RTEL1: variants seen among roughly 807,000 people sequenced by gnomAD.
RTEL1 encodes regulator of telomere elongation helicase 1.
A neutral mutation model predicts 162.2 loss-of-function variants in RTEL1; 86 were observed. The observed-to-expected ratio is 0.53, with a 90% CI of 0.45 to 0.63. The LOEUF (loss-of-function observed/expected upper bound fraction) is 0.63, where lower values mean the gene tolerates loss of function less well. Among genes scored for constraint, RTEL1 ranks in the 30% least tolerant of loss-of-function variants. The pLI is 0.00. For missense variants in RTEL1, 1,941 were observed against 1,750.2 expected (o/e 1.11, Z -1.95); for synonymous variants, 958 against 717.9 (o/e 1.33, Z -5.35).
chr20:63,685,535 G>T lies in RTEL1; in HGVS notation c.1204G>T (p.Val402Leu). Residue 402 changes from valine (V) to leucine (L), a missense_variant, in exon 15 of 35, where the codon GTG becomes TTG. Val to Leu is a conservative substitution (Grantham distance 32, BLOSUM62 1). Coordinates refer to ENST00000360203, the MANE Select transcript of RTEL1 (RefSeq NM_001283009.2). ...LADIIQIVFS[V>L]DPSEGSPGSP... ...CTCTGCCTTTCAGATTGTGTTCAGTGTGGACCCCTCCGAGGGCAGCCCTGG... is the reference window on the plus strand; with the variant it reads ...CTCTGCCTTTCAGATTGTGTTCAGTTTGGACCCCTCCGAGGGCAGCCCTGG... The T allele has an allele frequency of 6.2e-7, 1 of 1,612,606 alleles. No homozygotes were observed. The highest frequency in any genetic ancestry group is 8.5e-7 in the Non-Finnish European group (1 of 1,179,910).
At position 63,661,681 on chromosome 20, in the gene RTEL1, G is replaced by A; in HGVS notation, c.302-169G>A. 1 of 873,238 alleles carries A rather than the reference G, an allele frequency of 1.1e-6. No individual in the cohort carries two copies. Among genetic ancestry groups the A allele is most frequent in the Non-Finnish European group, 1.8e-6 (1 of 567,112 alleles). The allele number at this position is 873,238 out of a possible 1,614,324, so 54.1% of individuals were successfully genotyped here. On this transcript the variant is annotated intron_variant, in intron 3 of 34. Coordinates refer to ENST00000360203, the MANE Select transcript of RTEL1 (RefSeq NM_001283009.2). This position sits in a 1 kb window ranked among gnomAD's most constrained non-coding sequence, Gnocchi z 5.1. ...AAACCTAGGGTTGGGCTTTTTTGCTGAATTAGGGCACGGCAGATGCCCACT... is the reference window on the plus strand; with the variant it reads ...AAACCTAGGGTTGGGCTTTTTTGCTAAATTAGGGCACGGCAGATGCCCACT...
At chr20:63,691,935 G>C in intron 28 of RTEL1, 98 bp downstream of exon 28, 4 of 887,980 alleles carry the variant, frequency 4.5e-6, no homozygotes, top group Non-Finnish European at 7.1e-6. Flanking sequence ...GATGGGACCA[G>C]GGAATCCACC....
intron 10 of RTEL1, among the ~76,000 whole-genome samples, chr20:63,676,089 G>T (rs139484619): frequency 3.3e-5 from 5 of 152,224 alleles, no homozygotes; most frequent in African/African-American, 1.2e-4. Context: ...CCCCTTTGGA[G>T]ATGGGGTCTC....
At chr20:63,684,966 C>T (rs2090558095) in intron 14 of RTEL1, among the ~76,000 whole-genome samples, 1 of 151,980 alleles carries the variant, frequency 6.6e-6, no homozygotes, top group Non-Finnish European at 1.5e-5. Flanking sequence ...CAGCCTCAAC[C>T]TCCTGGGCTC....
rs2090120546 is a variant in RTEL1 at position 63,666,078 on chromosome 20, A to G, written c.613A>G (p.Arg205Gly). ...EDLVKSGSKH[R>G]VCPYYLSRNL... ...CTTGGTCAAGAGCGGAAGCAAGCAC[A>G]GGTGAGACCCCTCAGTGAGGCCACG... The change falls in exon 7 of 35, where the codon AGG becomes GGG. Residue 205 changes from arginine (R) to glycine (G), a missense_variant and splice_region_variant. Arg to Gly is a moderately radical substitution (Grantham distance 125, BLOSUM62 -2). Transcript: ENST00000360203. 6.2e-7 allele frequency: 1 copy of G among 1,613,898 alleles called. No homozygotes were observed. The highest frequency in any genetic ancestry group is 8.5e-7 in the Non-Finnish European group (1 of 1,179,818).
Position 63,661,232 on chromosome 20 carries a change from AG to A in RTEL1, c.103-63del. ...CCCGCTGGCTGCCGAAGCTTGTCTC[AG>A]GGCAGCTTGTGTGGCCTCGCCTCTT... On this transcript the variant is annotated intron_variant, in intron 2 of 34. Transcript: ENST00000360203. The surrounding 1 kb of genome is among the most constrained non-coding windows in gnomAD (Gnocchi z 5.1). The A allele has an allele frequency of 1.4e-6, 2 of 1,474,290 alleles. No individual in the cohort carries two copies. The highest frequency in any genetic ancestry group is 1.8e-5 in the Admixed American group (1 of 56,426). The allele number at this position is 1,474,290 out of a possible 1,614,324, so 91.3% of individuals were successfully genotyped here.
chr20:63,675,073 A>G (rs1247726431), intron 10 of RTEL1, among the ~76,000 whole-genome samples: 1 of 151,978 alleles, frequency 6.6e-6, no homozygotes, highest in Non-Finnish European at 1.5e-5. Flanking sequence ...ACGCCCAGCT[A>G]ATTTTGTATT....
intron 23 of RTEL1, 47 bp from the exon 24 acceptor site, chr20:63,689,703 C>G: frequency 6.2e-7 from 1 of 1,604,404 alleles, no homozygotes; most frequent in Non-Finnish European, 8.5e-7. Flanking sequence ...TGAGCCCCCG[C>G]CCCGTGGCCA....
chr20:63,672,476 G>A, intron 8 of RTEL1, 80 bp from the exon 9 acceptor site: 1 of 1,149,388 alleles, frequency 8.7e-7, no homozygotes. Flanking sequence ...GATGTTCGAT[G>A]CCTGCTGCAC....
rs1041162503 is a variant in RTEL1 at position 63,665,984 on chromosome 20, C to G, written c.539-20C>G. Reference sequence around the variant, plus strand: ...AGTGGACCCTGAGGGTGTGTGTTTACCCCTGCCTCACACCTGCAGAAAAAA... The same window carrying G: ...AGTGGACCCTGAGGGTGTGTGTTTAGCCCTGCCTCACACCTGCAGAAAAAA... On this transcript the variant is annotated intron_variant, in intron 6 of 34. Transcript: ENST00000360203. 1 of 1,611,212 alleles carries G rather than the reference C, an allele frequency of 6.2e-7. No individual in the cohort carries two copies. Among genetic ancestry groups the G allele is most frequent in the African/African-American group, 1.3e-5 (1 of 74,852 alleles).
At position 63,690,353 on chromosome 20, in the gene RTEL1, C is replaced by T. The variant is rs138950475; in HGVS notation, c.2325C>T (p.Ser775=). The change falls in exon 26 of 35, where the codon AGC becomes AGT. Residue 775 remains serine (S), a synonymous_variant. Transcript: ENST00000360203. ...GTGTGCGTGGAGAAGATGCTGTCAG[C>T]GAGGCCAAGTCGCCTGGCCCCTTCT... ...APSVRGEDAV[S]EAKSPGPFFS... 131 of 1,611,634 alleles carry T rather than the reference C, an allele frequency of 8.1e-5. No homozygotes were observed. The African/African-American group carries it at 1.1e-3, about 14-fold the overall frequency.
chr20:63,690,695 AGGCAGGACCCCAAGTGCT>A (rs1204940881), intron 26 of RTEL1, 92 bp from the exon 27 acceptor site: 1 of 1,282,392 alleles, frequency 7.8e-7, no homozygotes, highest in African/African-American at 1.5e-5. Context: ...GGACACCCAC[AGGCAGGACCCCAAGTGCT>A]GGGACTCTCC....
At chr20:63,673,867 C>T in intron 9 of RTEL1, 73 bp from the exon 10 acceptor site, 2 of 1,508,946 alleles carry the variant, frequency 1.3e-6, no homozygotes, top group Admixed American at 2.0e-5. Flanking sequence ...TCTGCACCCC[C>T]ACCCCATTTC....
chr20:63,677,407 G>A (rs1192213889), intron 10 of RTEL1, among the ~76,000 whole-genome samples: 1 of 152,180 alleles, frequency 6.6e-6, no homozygotes, highest in Non-Finnish European at 1.5e-5. Flanking sequence ...CTGAGGTCAG[G>A]AGTTTAAGAC....
intron 14 of RTEL1, among the ~76,000 whole-genome samples, chr20:63,684,774 C>G (rs1012910047): frequency 9.2e-5 from 14 of 151,910 alleles, no homozygotes; most frequent in African/African-American, 2.9e-4. Flanking sequence ...CGCCCGGCCT[C>G]TTGTTCTTTT....
At chr20:63,675,569 G>A (rs2090332306) in intron 10 of RTEL1, among the ~76,000 whole-genome samples, 1 of 152,068 alleles carries the variant, frequency 6.6e-6, no homozygotes. Flanking sequence ...GCTGGAATGT[G>A]GTGGTACAAT....
rs2090972967 is a variant in RTEL1, at chr20:63,696,079, T to C, written c.*221T>C. On this transcript the variant is annotated 3_prime_UTR_variant, in exon 35 of 35. Transcript: ENST00000360203. ...GAGCTACCTTGGGGTCTGGGGTGGGTTTCTGGGAAAGTGCTTCCCCAGAAC... is the reference window on the plus strand; with the variant it reads ...GAGCTACCTTGGGGTCTGGGGTGGGCTTCTGGGAAAGTGCTTCCCCAGAAC... 3.6e-6 allele frequency: 2 copies of C among 561,114 alleles called. No homozygotes were observed. Among genetic ancestry groups the C allele is most frequent in the African/African-American group, 1.9e-5 (1 of 52,564 alleles). The allele number at this position is 561,114 out of a possible 1,614,324, so 34.8% of individuals were successfully genotyped here. A position where few individuals can be genotyped will look rare whatever the true frequency, so the allele number is the denominator to read the frequency against.
At position 63,658,360 on chromosome 20, in the gene RTEL1, C is replaced by G. The variant is rs955106160; in HGVS notation, c.-277C>G. 4 of 152,448 alleles carry G rather than the reference C, an allele frequency of 2.6e-5. No homozygotes were observed. Among genetic ancestry groups the G allele is most frequent in the African/African-American group, 7.2e-5 (3 of 41,466 alleles). The allele number at this position is 152,448 out of a possible 1,614,324, so 9.4% of individuals were successfully genotyped here. A position where few individuals can be genotyped will look rare whatever the true frequency, so the allele number is the denominator to read the frequency against. On this transcript the variant is annotated 5_prime_UTR_variant, in exon 1 of 35. Transcript: ENST00000360203. ...GACTGCGCGCCTCTGCCCGCGAAAA[C>G]TCTGAGCTGGCTGACAGCTGGGGAC... is the stretch of plus-strand genomic sequence containing the variant.
At chr20:63,673,692 G>A (rs932022468) in intron 9 of RTEL1, among the ~76,000 whole-genome samples, 2 of 152,144 alleles carry the variant, frequency 1.3e-5, no homozygotes, top group African/African-American at 4.8e-5. Flanking sequence ...GCCCACCTTG[G>A]CCTCCCAAAG....
Sources: allele counts gnomAD v4.1 joint callset (sites outside exome capture counted in the v4.1 genomes callset), GRCh38; gene constraint gnomAD v4.1.1; non-coding constraint Gnocchi (gnomAD v3.1); transcripts MANE v1.5; gene names NCBI Gene and HGNC (gene_info 2026-07-23, HGNC 2026-07-21).